CNTNAP2: variants seen among roughly 807,000 people sequenced by gnomAD.
The protein encoded by CNTNAP2 is contactin associated protein 2, also known as contactin-associated protein-like 2.
Under a neutral mutation model 155.2 loss-of-function variants are expected in CNTNAP2, and 98 were observed. That is an observed-to-expected ratio of 0.63 (90% CI 0.54 to 0.75). CNTNAP2 has a LOEUF of 0.75. Among genes scored for constraint, CNTNAP2 ranks in the 30% least tolerant of loss-of-function variants. The probability of loss-of-function intolerance (pLI) is 0.00; values close to 1 mark genes in which losing one functional copy is unlikely to be tolerated. For missense variants in CNTNAP2, 1,727 were observed against 1,688.1 expected, an observed-to-expected ratio of 1.02 and a Z score of -0.40; for synonymous variants, 651 against 631.2, an observed-to-expected ratio of 1.03 and a Z score of -0.47.
At chr7:148,118,385 G>T in intron 16 of CNTNAP2, 97 bp downstream of exon 16, 1 of 1,351,410 alleles carries the variant, frequency 7.4e-7, no homozygotes, top group South Asian at 1.2e-5. Flanking sequence ...TTCAAACGTG[G>T]AAGGTTTCCT....
At chr7:146,643,757 G>T (rs2129161930) in intron 1 of CNTNAP2, among the ~76,000 whole-genome samples, 1 of 152,178 alleles carries the variant, frequency 6.6e-6, no homozygotes, top group East Asian at 1.9e-4. Flanking sequence ...TGGGCAGTAT[G>T]GCCATTTTCA....
chr7:147,222,555 A>G (rs1360034641), intron 8 of CNTNAP2, among the ~76,000 whole-genome samples: 3 of 152,122 alleles, frequency 2.0e-5, no homozygotes, highest in Admixed American at 6.6e-5. Flanking sequence ...TGATAATCCA[A>G]TATCCCTGCC....
At position 146,734,074 on chromosome 7, in the gene CNTNAP2, G is replaced by A. The variant is rs144444939; in HGVS notation, c.98-40197G>A. On this transcript the variant is annotated intron_variant, in intron 1 of 23. Transcript: ENST00000361727. ...TGCTTAAAATAATAATAATAAAGAT[G>A]CTGGTAGCTTGTACCTATGATTTTG... 6.5e-4 allele frequency among the ~76,000 whole-genome samples: 99 copies of A among 152,120 alleles called. No homozygotes were observed. In the East Asian group the frequency reaches 0.017, roughly 26 times the overall value.
Position 147,454,929 on chromosome 7 carries a change from T to C in CNTNAP2, c.1671-31006T>C, listed in dbSNP as rs1797894880. The stretch of plus-strand genomic sequence containing the variant: ...TATTTTAAAATTCCATTTGAGAAAC[T>C]GACTCCCCCATTTGACAGGATCATG... On this transcript the variant is annotated intron_variant, in intron 10 of 23. Coordinates refer to ENST00000361727, the MANE Select transcript of CNTNAP2 (RefSeq NM_014141.6). 1.3e-5 allele frequency among the ~76,000 whole-genome samples: 2 copies of C among 152,150 alleles called. 1 individual carries two copies. Among genetic ancestry groups the C allele is most frequent in the South Asian group, 4.1e-4 (2 of 4,834 alleles).
At chr7:146,425,779 C>G (rs953348380) in intron 1 of CNTNAP2, among the ~76,000 whole-genome samples, 7 of 152,048 alleles carry the variant, frequency 4.6e-5, no homozygotes, top group African/African-American at 1.7e-4. Context: ...CTAAGTGAAC[C>G]CTATGTGGTA....
chr7:147,732,197 C>G (rs188445681), intron 13 of CNTNAP2, among the ~76,000 whole-genome samples: 1 of 148,978 alleles, frequency 6.7e-6, no homozygotes, highest in South Asian at 2.2e-4. Context: ...CCCCACCACC[C>G]CCATGACAGG....
At chr7:146,801,517 G>T (rs1342636120) in intron 2 of CNTNAP2, among the ~76,000 whole-genome samples, 1 of 152,106 alleles carries the variant, frequency 6.6e-6, no homozygotes, top group Non-Finnish European at 1.5e-5. Flanking sequence ...GGCATAAAAA[G>T]TTTCTATTTC....
rs1196411495 is a variant in CNTNAP2, at chr7:148,416,935, C to G, written c.*1319C>G. The G allele has an allele frequency of 6.6e-6, 1 of 152,294 alleles. No homozygotes were observed. Among genetic ancestry groups the G allele is most frequent in the African/African-American group, 2.4e-5 (1 of 41,418 alleles). The allele number at this position is 152,294 out of a possible 1,614,324, so 9.4% of individuals were successfully genotyped here. A position where few individuals can be genotyped will look rare whatever the true frequency, so the allele number is the denominator to read the frequency against. On this transcript the variant is annotated 3_prime_UTR_variant, in exon 24 of 24. Coordinates refer to ENST00000361727, the MANE Select transcript of CNTNAP2 (RefSeq NM_014141.6). The stretch of plus-strand genomic sequence containing the variant: ...ACCCAGTTATTTAACAAATAAATAC[C>G]TCATTGATTATATTTAAAAGTAATA...
chr7:148,057,108 C>A (rs755106139), intron 15 of CNTNAP2, among the ~76,000 whole-genome samples: 10 of 152,136 alleles, frequency 6.6e-5, no homozygotes, highest in South Asian at 2.1e-4. Flanking sequence ...TCACAGCCCT[C>A]GGTGCAGTCA....
chr7:148,228,422 G>A (rs932971347), intron 19 of CNTNAP2, among the ~76,000 whole-genome samples: 1 of 152,084 alleles, frequency 6.6e-6, no homozygotes, highest in African/African-American at 2.4e-5. Flanking sequence ...AGGGACTCAG[G>A]GGACCAGGGA....
In CNTNAP2 at chr7:148,372,393, T is replaced by C. The variant is rs540488501; in HGVS notation, c.3476-11256T>C. Among the ~76,000 whole-genome samples, 419 of 152,140 alleles carry C rather than the reference T, an allele frequency of 2.8e-3. 3 individuals carry two copies. Among genetic ancestry groups the C allele is most frequent in the Middle Eastern group, 0.01 (3 of 294 alleles). On this transcript the variant is annotated intron_variant, in intron 21 of 23. Transcript: ENST00000361727. ...ACTTTGGCCACATTAAATTTACCTTTTACAATTTTCTTTCTTTAATAATAA... is the reference window on the plus strand; with the variant it reads ...ACTTTGGCCACATTAAATTTACCTTCTACAATTTTCTTTCTTTAATAATAA...
At chr7:147,798,323 T>C (rs1797934963) in intron 13 of CNTNAP2, among the ~76,000 whole-genome samples, 1 of 152,114 alleles carries the variant, frequency 6.6e-6, no homozygotes, top group African/African-American at 2.4e-5. Context: ...GTACCAGCTT[T>C]ATTAGTAGGT....
chr7:147,632,907 G>A (rs1795111627), intron 12 of CNTNAP2, among the ~76,000 whole-genome samples: 1 of 152,204 alleles, frequency 6.6e-6, no homozygotes, highest in Admixed American at 6.5e-5. Context: ...AGTGACTCTT[G>A]CTATGCAAAG....
intron 3 of CNTNAP2, among the ~76,000 whole-genome samples, chr7:146,923,257 A>C (rs1796540303): frequency 6.6e-6 from 1 of 152,246 alleles, no homozygotes; most frequent in South Asian, 2.1e-4. Context: ...AGGGATAAGC[A>C]GAACATGCTG....
chr7:146,721,190 C>A (rs1275098503), intron 1 of CNTNAP2, among the ~76,000 whole-genome samples: 1 of 130,798 alleles, frequency 7.6e-6, no homozygotes, highest in Non-Finnish European at 1.5e-5. Flanking sequence ...TATATATATT[C>A]TCTATATATA....
intron 3 of CNTNAP2, among the ~76,000 whole-genome samples, chr7:146,975,332 G>A (rs1380503482): frequency 6.6e-6 from 1 of 152,106 alleles, no homozygotes; most frequent in Non-Finnish European, 1.5e-5. Flanking sequence ...GGGCATGGTG[G>A]CAGGCACCTG....
At chr7:146,493,100 A>G (rs1375923389) in intron 1 of CNTNAP2, among the ~76,000 whole-genome samples, 5 of 152,186 alleles carry the variant, frequency 3.3e-5, no homozygotes, top group African/African-American at 4.8e-5. Flanking sequence ...ACGCTTTCTA[A>G]CTTACTTTCC....
chr7:147,255,143 G>A (rs1319895437), intron 8 of CNTNAP2, among the ~76,000 whole-genome samples: 1 of 152,136 alleles, frequency 6.6e-6, no homozygotes, highest in Non-Finnish European at 1.5e-5. Context: ...AGTGTCTAGA[G>A]CAGCAGTAAT....
intron 13 of CNTNAP2, among the ~76,000 whole-genome samples, chr7:147,788,318 C>A (rs1435539054): frequency 1.3e-5 from 2 of 152,166 alleles, no homozygotes; most frequent in Non-Finnish European, 2.9e-5. Flanking sequence ...TTGTAAGAAG[C>A]AGAATGTATA....
Sources: gnomAD v4.1 joint callset for allele counts (sites outside exome capture counted in the v4.1 genomes callset) on GRCh38, gnomAD v4.1.1 for gene constraint, MANE v1.5 for transcripts, NCBI Gene and HGNC (gene_info 2026-07-23, HGNC 2026-07-21) for gene names.